The following PTPRG variants were observed in gnomAD, a reference collection of about 807,000 sequenced individuals.
The protein encoded by PTPRG is receptor-type tyrosine-protein phosphatase gamma.
In PTPRG, 102 loss-of-function variants were observed where a neutral mutation model predicts 165.3. That is an observed-to-expected ratio of 0.62 (90% CI 0.53 to 0.73). The LOEUF (loss-of-function observed/expected upper bound fraction) is 0.73. Ranked by LOEUF, PTPRG falls within the 30% of genes least tolerant of loss-of-function variation. The pLI, the probability that PTPRG is intolerant of heterozygous loss-of-function variation, is 0.00. For synonymous variants in PTPRG, 675 were observed against 669.5 expected (o/e 1.01, Z -0.13); for missense variants, 1,866 against 1,861.4 (o/e 1.00, Z -0.05).
chr3:61,870,084 G>T (rs1444415810), intron 2 of PTPRG, among the ~76,000 whole-genome samples: 1 of 151,442 alleles, frequency 6.6e-6, no homozygotes, highest in Non-Finnish European at 1.5e-5. Context: ...TCACCTTGGG[G>T]CTTAAGTTTC....
chr3:61,597,792 T>C (rs1004686271), intron 1 of PTPRG, among the ~76,000 whole-genome samples: 5 of 152,238 alleles, frequency 3.3e-5, no homozygotes, highest in African/African-American at 7.2e-5. Context: ...TTGATATTTA[T>C]GTGAAAATGG....
intron 2 of PTPRG, among the ~76,000 whole-genome samples, chr3:61,955,522 A>G (rs1272957751): frequency 6.6e-6 from 1 of 152,234 alleles, no homozygotes; most frequent in African/African-American, 2.4e-5. Context: ...AAAATTGCAT[A>G]AAAGTACAAC....
intron 17 of PTPRG, among the ~76,000 whole-genome samples, chr3:62,266,902 T>A (rs1701893129): frequency 6.6e-6 from 1 of 150,826 alleles, no homozygotes; most frequent in Non-Finnish European, 1.5e-5. Context: ...ATCTGAACAT[T>A]AACTTCAGAT....
intron 1 of PTPRG, among the ~76,000 whole-genome samples, chr3:61,616,349 C>G (rs56917130): frequency 0.03 from 4,535 of 152,298 alleles, 227 homozygotes; most frequent in African/African-American, 0.1. Flanking sequence ...GTATGTATGT[C>G]CATGTCCATA....
intron 12 of PTPRG, 113 bp downstream of exon 12, chr3:62,204,063 A>G: frequency 7.0e-7 from 1 of 1,435,394 alleles, no homozygotes; most frequent in Non-Finnish European, 9.2e-7. Flanking sequence ...TATTCTTAGA[A>G]TCATATATGT....
chr3:61,990,293 G>C (rs1453601105), intron 3 of PTPRG, among the ~76,000 whole-genome samples: 1 of 152,120 alleles, frequency 6.6e-6, no homozygotes, highest in African/African-American at 2.4e-5. Context: ...ATTGCAGAAA[G>C]TTCTATCAGG....
At chr3:61,838,265 T>C (rs2036528834) in intron 2 of PTPRG, among the ~76,000 whole-genome samples, 1 of 152,236 alleles carries the variant, frequency 6.6e-6, no homozygotes, top group African/African-American at 2.4e-5. Flanking sequence ...GTTATCTACC[T>C]GAAATCAGTT....
intron 4 of PTPRG, among the ~76,000 whole-genome samples, chr3:62,077,087 A>G (rs1420364546): frequency 6.6e-6 from 1 of 152,052 alleles, no homozygotes; most frequent in Non-Finnish European, 1.5e-5. Flanking sequence ...ACAACAAGGC[A>G]AAACCCTGTC....
At chr3:62,154,918 T>G (rs544169528) in intron 6 of PTPRG, among the ~76,000 whole-genome samples, 1 of 152,244 alleles carries the variant, frequency 6.6e-6, no homozygotes, top group Non-Finnish European at 1.5e-5. Context: ...CTTGGGGCTT[T>G]GTGTTGACTC....
chr3:62,186,566 C>CGTTTTTTTTTTTTTTTTTT (rs1559620068), intron 8 of PTPRG, among the ~76,000 whole-genome samples: 1 of 99,608 alleles, frequency 1.0e-5, no homozygotes, highest in African/African-American at 4.6e-5. Context: ...TTTTTCTTTT[C>CGTTTTTTTTTTTTTTTTTT]CTTTTTTTTT....
chr3:61,731,997 G>C (rs1260606306), intron 1 of PTPRG, among the ~76,000 whole-genome samples: 1 of 151,400 alleles, frequency 6.6e-6, no homozygotes, highest in Non-Finnish European at 1.5e-5. Flanking sequence ...AGACGGGGGA[G>C]TTCACCATGT....
intron 4 of PTPRG, among the ~76,000 whole-genome samples, chr3:62,011,229 T>A (rs1456057682): frequency 6.6e-6 from 1 of 152,242 alleles, no homozygotes; most frequent in African/African-American, 2.4e-5. Context: ...TGTCCGCCGC[T>A]GGCATATTTA....
At chr3:61,706,758 G>A (rs1378908752) in intron 1 of PTPRG, among the ~76,000 whole-genome samples, 1 of 151,960 alleles carries the variant, frequency 6.6e-6, no homozygotes, top group African/African-American at 2.4e-5. Context: ...CCAAAGTGTT[G>A]GGATTACAGG....
Position 62,101,513 on chromosome 3 carries a change from A to G in PTPRG, c.615+23255A>G, listed in dbSNP as rs191852871. Among the ~76,000 whole-genome samples the G allele has an allele frequency of 1.5e-3, 226 of 152,316 alleles. 1 individual carries two copies. Among genetic ancestry groups the G allele is most frequent in the African/African-American group, 5.2e-3 (216 of 41,570 alleles). The stretch of plus-strand genomic sequence containing the variant: ...ATGGCTTTTGAGCTTTAAGCCCTTT[A>G]TAAACACTTCACTGTCTTACCCTTT... On this transcript the variant is annotated intron_variant, in intron 5 of 29. Coordinates refer to ENST00000474889, the MANE Select transcript of PTPRG (RefSeq NM_002841.4).
chr3:62,157,652 AC>A (rs2106700060), intron 7 of PTPRG, among the ~76,000 whole-genome samples: 1 of 152,172 alleles, frequency 6.6e-6, no homozygotes, highest in African/African-American at 2.4e-5. Flanking sequence ...TGCTGTGCAT[AC>A]CCCCATTTTA....
intron 2 of PTPRG, among the ~76,000 whole-genome samples, chr3:61,930,701 A>G (rs1035960130): frequency 7.2e-5 from 11 of 152,208 alleles, no homozygotes; most frequent in Non-Finnish European, 1.5e-4. Context: ...CAAAATTACA[A>G]TTATAGTTAG....
At chr3:61,918,211 T>C (rs1214563012) in intron 2 of PTPRG, among the ~76,000 whole-genome samples, 2 of 152,090 alleles carry the variant, frequency 1.3e-5, no homozygotes, top group Non-Finnish European at 2.9e-5. Context: ...CAGGATAGAA[T>C]GATGGAAATT....
rs1305289492 is a variant in PTPRG, at chr3:62,245,439, G to C, written c.2467+1541G>C. On this transcript the variant is annotated intron_variant, in intron 15 of 29. Coordinates refer to ENST00000474889, the MANE Select transcript of PTPRG (RefSeq NM_002841.4). This position sits in a 1 kb window ranked among gnomAD's most constrained non-coding sequence, Gnocchi z 4.2. ...CCTCTGACCTGATTTGTCTGACACA[G>C]ACTCAGTTGTTTGGTAGCTGTGTAA... 6.6e-6 allele frequency among the ~76,000 whole-genome samples: 1 copy of C among 152,186 alleles called. No individual in the cohort carries two copies. Among genetic ancestry groups the C allele is most frequent in the African/African-American group, 2.4e-5 (1 of 41,440 alleles).
chr3:61,765,975 T>C (rs2034003064), intron 2 of PTPRG, among the ~76,000 whole-genome samples: 1 of 152,218 alleles, frequency 6.6e-6, no homozygotes, highest in African/African-American at 2.4e-5. Flanking sequence ...AAAGGCTCTC[T>C]TTCTCTTTTC....
Sources: allele counts gnomAD v4.1 joint callset (sites outside exome capture counted in the v4.1 genomes callset), GRCh38; gene constraint gnomAD v4.1.1; non-coding constraint Gnocchi (gnomAD v3.1); transcripts MANE v1.5; gene names NCBI Gene and HGNC (gene_info 2026-07-23, HGNC 2026-07-21).